AHSA1: variants seen among roughly 807,000 people sequenced by gnomAD.
AHSA1 encodes the protein activator of HSP90 ATPase activity 1.
Under a neutral mutation model 46.1 loss-of-function variants are expected in AHSA1, and 14 were observed. The ratio of observed to expected loss-of-function variants is 0.30; its 90% CI spans 0.20 to 0.47. The LOEUF is 0.47. AHSA1 is among the 20% of genes least tolerant of loss of function. The pLI is 0.99. For synonymous variants in AHSA1, 147 were observed against 145.8 expected, an observed-to-expected ratio of 1.01 and a Z score of -0.06; for missense variants, 333 against 415.9, an observed-to-expected ratio of 0.80 and a Z score of 1.73.
At chr14:77,464,194 T>C (rs2079038173) in intron 4 of AHSA1, among the ~76,000 whole-genome samples, 1 of 152,138 alleles carries the variant, frequency 6.6e-6, no homozygotes, top group South Asian at 2.1e-4. Context: ...CTGGCCAACA[T>C]GGTGAAACCC....
At position 77,459,626 on chromosome 14, in the gene AHSA1, G is replaced by A. The variant is rs779807123; in HGVS notation, c.91G>A (p.Asp31Asn). 2 of 1,614,186 alleles carry A rather than the reference G, an allele frequency of 1.2e-6. No individual in the cohort carries two copies. The highest frequency in any genetic ancestry group is 1.7e-6 in the Non-Finnish European group (2 of 1,180,048). Residue 31 changes from aspartate to asparagine, a missense_variant, in exon 2 of 9, where the codon GAT becomes AAT. Coordinates refer to ENST00000216479, the MANE Select transcript of AHSA1 (RefSeq NM_012111.3). The stretch of plus-strand genomic sequence containing the variant: ...GTTTCTGCTTTGCAGGACGGAGAGA[G>A]ATGCTTCAAATTGGTCCACGGATAA... ...NVNNWHWTER[D>N]ASNWSTDKLK...
At chr14:77,458,035 T>C (rs116536458), upstream of AHSA1, 1,847 of 577,562 alleles carry the variant, frequency 3.2e-3, 34 homozygotes, top group African/African-American at 0.032. Flanking sequence ...GAGCCGGAAG[T>C]TAAGGAGGGG....
intron 3 of AHSA1, 67 bp downstream of exon 3, chr14:77,462,309 C>A: frequency 6.8e-7 from 1 of 1,468,302 alleles, no homozygotes; most frequent in Non-Finnish European, 9.5e-7. Flanking sequence ...GAAAAGTGAC[C>A]TGTCATTCAG....
chr14:77,465,737 C>T, intron 6 of AHSA1, 70 bp downstream of exon 6: 1 of 1,537,664 alleles, frequency 6.5e-7, no homozygotes, highest in Non-Finnish European at 8.9e-7. Flanking sequence ...GGGGCATATC[C>T]CTTCAGCAGT....
At chr14:77,461,150 C>G (rs1295638669) in intron 2 of AHSA1, among the ~76,000 whole-genome samples, 1 of 151,872 alleles carries the variant, frequency 6.6e-6, no homozygotes, top group Admixed American at 6.6e-5. Flanking sequence ...CAGAGTGAGA[C>G]TCCATCTCAA....
chr14:77,465,506 C>A, intron 5 of AHSA1, 33 bp from the exon 6 acceptor site: 1 of 1,608,448 alleles, frequency 6.2e-7, no homozygotes, highest in Non-Finnish European at 8.5e-7. Flanking sequence ...TATCATTACT[C>A]TGTATTGATC....
At chr14:77,460,340 G>C (rs532234484) in intron 2 of AHSA1, 2 of 161,272 alleles carry the variant, frequency 1.2e-5, no homozygotes, top group East Asian at 3.6e-4. Flanking sequence ...ACTGTCGGGA[G>C]CCTGAATGTA....
At chr14:77,459,970 C>A in intron 2 of AHSA1, 164 bp downstream of exon 2, 1 of 750,170 alleles carries the variant, frequency 1.3e-6, no homozygotes, top group Non-Finnish European at 2.2e-6. Context: ...AATTTCTTTG[C>A]CATTGTGGGA....
chr14:77,461,891 A>G (rs939971236), intron 2 of AHSA1, among the ~76,000 whole-genome samples: 1 of 152,216 alleles, frequency 6.6e-6, no homozygotes, highest in African/African-American at 2.4e-5. Flanking sequence ...TTTTGACCCA[A>G]GTTCTCATGG....
In AHSA1 at chr14:77,465,686, T is replaced by TAA. The variant is rs754614569; in HGVS notation, c.690+19_690+20insAA. ...CCAAGAGGTAAGTAAGTCTTGTCCT[T>TAA]CAGGCCTCATGCCATCTGCCCTTCT... On this transcript the variant is annotated intron_variant, in intron 6 of 8. Coordinates refer to ENST00000216479, the MANE Select transcript of AHSA1 (RefSeq NM_012111.3). 3.7e-6 allele frequency: 6 copies of TAA among 1,611,960 alleles called. No homozygotes were observed. In the African/African-American group the frequency reaches 6.7e-5, roughly 18 times the overall value.
At chr14:77,466,189 T>A (rs2079047301) in intron 6 of AHSA1, 1 of 152,634 alleles carries the variant, frequency 6.6e-6, no homozygotes. Context: ...TTGCCCAGAC[T>A]AACGTTGAAC....
intron 1 of AHSA1, among the ~76,000 whole-genome samples, 168 bp downstream of exon 1, chr14:77,458,437 C>T (rs1488735829): frequency 6.6e-6 from 1 of 152,184 alleles, no homozygotes; most frequent in Non-Finnish European, 1.5e-5. Flanking sequence ...CTCTCCACTC[C>T]GCGGTCACCT....
chr14:77,468,270 T>C (rs2079057068), intron 7 of AHSA1, 86 bp downstream of exon 7: 1 of 1,141,716 alleles, frequency 8.8e-7, no homozygotes, highest in African/African-American at 1.6e-5. Flanking sequence ...ATAGGTAAAA[T>C]GTAAGGCTTT....
In AHSA1 at chr14:77,462,192, CAT is replaced by C. The variant is rs2079028557; in HGVS notation, c.305_306del (p.His102ArgfsTer8). On this transcript the variant is annotated frameshift_variant, in exon 3 of 9. Transcript: ENST00000216479. LOFTEE classifies it high-confidence loss of function. ...TAAGTCAGGAGTACAATACAAAGGA[CAT>C]GTGGAGATCCCCAATTTGTCTGATG... ...TSKSGVQYKG[H>X]VEIPNLSDEN... 6.2e-7 allele frequency: 1 copy of C among 1,613,482 alleles called. No individual in the cohort carries two copies. The highest frequency in any genetic ancestry group is 1.7e-5 in the Admixed American group (1 of 60,008).
chr14:77,461,868 C>G (rs1220627124), intron 2 of AHSA1, among the ~76,000 whole-genome samples: 1 of 152,214 alleles, frequency 6.6e-6, no homozygotes, highest in Non-Finnish European at 1.5e-5. Flanking sequence ...AGTATTCTAG[C>G]AGAACTACTG....
intron 5 of AHSA1, 64 bp downstream of exon 5, chr14:77,464,750 TC>T: frequency 7.1e-7 from 1 of 1,400,072 alleles, no homozygotes; most frequent in Non-Finnish European, 1.0e-6. Flanking sequence ...CCTTCTTAAT[TC>T]CACATATCAG....
Position 77,468,448 on chromosome 14 carries a change from T to A in AHSA1, c.793-9T>A. 6.2e-7 allele frequency: 1 copy of A among 1,611,934 alleles called. No homozygotes were observed. The highest frequency in any genetic ancestry group is 8.5e-7 in the Non-Finnish European group (1 of 1,178,460). ...ATATAATATAGACTGAGCTGTTTGA[T>A]TATTTTAGGTCCCTGAGAAACATAT... On this transcript the variant is annotated splice_polypyrimidine_tract_variant and intron_variant, in intron 7 of 8. Transcript: ENST00000216479.
chr14:77,465,217 G>A (rs1198275662), intron 5 of AHSA1, among the ~76,000 whole-genome samples: 3 of 152,154 alleles, frequency 2.0e-5, no homozygotes, highest in Non-Finnish European at 2.9e-5. Flanking sequence ...GGAGAAAACC[G>A]CTTCCAGCTA....
intron 1 of AHSA1, 67 bp from the exon 2 acceptor site, chr14:77,459,549 T>C (rs2079011850): frequency 6.5e-7 from 1 of 1,532,134 alleles, no homozygotes; most frequent in African/African-American, 1.4e-5. Context: ...TAACCTCGTA[T>C]TCTCTTGCAT....
Sources: allele counts gnomAD v4.1 joint callset (sites outside exome capture counted in the v4.1 genomes callset), GRCh38; gene constraint gnomAD v4.1.1; transcripts MANE v1.5; gene names NCBI Gene and HGNC (gene_info 2026-07-23, HGNC 2026-07-21).